The following LNPEP variants were observed in gnomAD, a reference collection of about 807,000 sequenced individuals.
The protein encoded by LNPEP is leucyl-cystinyl aminopeptidase.
LNPEP carries 64 observed loss-of-function variants against 120.6 expected under a neutral mutation model. The ratio of observed to expected loss-of-function variants is 0.53; its 90% CI spans 0.43 to 0.65. The LOEUF is 0.65. Ranked by LOEUF, LNPEP falls within the 30% of genes least tolerant of loss-of-function variation. The pLI is 0.00. For missense variants in LNPEP, 1,057 were observed against 1,200.0 expected, an observed-to-expected ratio of 0.88 and a Z score of 1.76; for synonymous variants, 435 against 425.4, an observed-to-expected ratio of 1.02 and a Z score of -0.28.
chr5:96,946,221 AC>A (rs1464894924), intron 1 of LNPEP, among the ~76,000 whole-genome samples: 1 of 152,224 alleles, frequency 6.6e-6, no homozygotes, highest in Non-Finnish European at 1.5e-5. Flanking sequence ...CTCAAACTGA[AC>A]AATAGAGTAT....
At chr5:97,016,309 T>A (rs1791069046) in intron 13 of LNPEP, among the ~76,000 whole-genome samples, 1 of 152,014 alleles carries the variant, frequency 6.6e-6, no homozygotes, top group African/African-American at 2.4e-5. Flanking sequence ...AAACGTTGAG[T>A]GAATAAATGA....
At position 96,970,312 on chromosome 5, in the gene LNPEP, A is replaced by T. The variant is rs184520721; in HGVS notation, c.20-8826A>T. On this transcript the variant is annotated intron_variant, in intron 1 of 17. Coordinates refer to ENST00000231368, the MANE Select transcript of LNPEP (RefSeq NM_005575.3). ...TTGTTTGTTCTATTCTTCATAAAAA[A>T]CTTCTTTTTGAAACACTGTTATTAG... 3.5e-3 allele frequency among the ~76,000 whole-genome samples: 535 copies of T among 152,094 alleles called. 4 individuals carry two copies. Among genetic ancestry groups the T allele is most frequent in the Middle Eastern group, 3.4e-3 (1 of 294 alleles).
chr5:96,938,987 A>C (rs935832364), intron 1 of LNPEP, among the ~76,000 whole-genome samples: 5 of 127,814 alleles, frequency 3.9e-5, no homozygotes, highest in African/African-American at 1.6e-4. Flanking sequence ...TATATTACAA[A>C]AAAAAAAAAA....
At chr5:97,026,553 T>G in intron 15 of LNPEP, 64 bp from the exon 16 acceptor site, 1 of 1,320,046 alleles carries the variant, frequency 7.6e-7, no homozygotes, top group Non-Finnish European at 1.1e-6. Context: ...AATTTTAATT[T>G]AAGTTCAGTC....
intron 9 of LNPEP, among the ~76,000 whole-genome samples, chr5:97,005,338 C>T (rs954587584): frequency 3.9e-5 from 6 of 152,006 alleles, no homozygotes; most frequent in African/African-American, 1.2e-4. Context: ...GACTGTTGTT[C>T]AAAAATTGCT....
At chr5:96,966,993 G>T (rs1039865755) in intron 1 of LNPEP, among the ~76,000 whole-genome samples, 5 of 151,976 alleles carry the variant, frequency 3.3e-5, no homozygotes, top group Non-Finnish European at 5.9e-5. Flanking sequence ...AATCACTTAC[G>T]TAAGCAACAA....
chr5:96,999,377 T>A (rs1790591965), intron 8 of LNPEP, among the ~76,000 whole-genome samples: 1 of 152,080 alleles, frequency 6.6e-6, no homozygotes, highest in Admixed American at 6.6e-5. Flanking sequence ...AGTGACAGGG[T>A]AAGGCCAGTA....
At chr5:96,975,274 C>T (rs1382581937) in intron 1 of LNPEP, among the ~76,000 whole-genome samples, 1 of 152,096 alleles carries the variant, frequency 6.6e-6, no homozygotes, top group Non-Finnish European at 1.5e-5. Context: ...TAATCCTGTT[C>T]TCCTTCCTTG....
intron 1 of LNPEP, among the ~76,000 whole-genome samples, chr5:96,953,117 G>C (rs1003553237): frequency 6.6e-6 from 1 of 151,832 alleles, no homozygotes; most frequent in African/African-American, 2.4e-5. Flanking sequence ...GGACCAGCCC[G>C]TGGGGTTTGA....
In LNPEP at chr5:97,028,788, T is replaced by G. The variant is rs1459391127; in HGVS notation, c.*255T>G. On this transcript the variant is annotated 3_prime_UTR_variant, in exon 18 of 18. Coordinates refer to ENST00000231368, the MANE Select transcript of LNPEP (RefSeq NM_005575.3). ...ATCTACAAAAACAATGAGTAATTTT[T>G]CTACTTTGAAGATACACAGATGGGG... 1 of 327,456 alleles carries G rather than the reference T, an allele frequency of 3.1e-6. No individual in the cohort carries two copies. The highest frequency in any genetic ancestry group is 5.7e-6 in the Non-Finnish European group (1 of 175,752). 20.3% of individuals were successfully genotyped at this position (327,456 alleles called of 1,614,324 possible). A position where few individuals can be genotyped will look rare whatever the true frequency, so the allele number is the denominator to read the frequency against.
At chr5:96,955,705 G>A (rs1789453172) in intron 1 of LNPEP, among the ~76,000 whole-genome samples, 2 of 152,154 alleles carry the variant, frequency 1.3e-5, no homozygotes, top group Admixed American at 1.3e-4. Context: ...CCAATTGATG[G>A]ACATTTGTTT....
chr5:96,985,684 T>G (rs1209258342), intron 3 of LNPEP, among the ~76,000 whole-genome samples: 2 of 151,974 alleles, frequency 1.3e-5, no homozygotes, highest in Non-Finnish European at 2.9e-5. Context: ...TAGCTCTGTG[T>G]GGGATGCAGT....
At chr5:96,998,757 A>G (rs1304734482) in intron 8 of LNPEP, among the ~76,000 whole-genome samples, 5 of 152,192 alleles carry the variant, frequency 3.3e-5, no homozygotes, top group South Asian at 2.1e-4. Flanking sequence ...GATACAGTCT[A>G]TGTCATCAAG....
intron 1 of LNPEP, chr5:96,937,743 A>G (rs1415358638): frequency 1.4e-5 from 2 of 145,934 alleles, no homozygotes; most frequent in East Asian, 1.9e-4. Context: ...TTGCCTACAG[A>G]ATTAAAGTAC....
In LNPEP at chr5:96,936,446, T is replaced by A. The variant is rs1581966129; in HGVS notation, c.19+272T>A. On this transcript the variant is annotated intron_variant, in intron 1 of 17. Coordinates refer to ENST00000231368, the MANE Select transcript of LNPEP (RefSeq NM_005575.3). ...GGTGGGCAAACAGCAAAGTTTGGGC[T>A]GCTGTGCGCAGAGGAGTGGGCAGTG... 5 of 372,010 alleles carry A rather than the reference T, an allele frequency of 1.3e-5. No individual in the cohort carries two copies. In the East Asian group the frequency reaches 2.1e-4, roughly 15 times the overall value. The allele number at this position is 372,010 out of a possible 1,614,324, so 23.0% of individuals were successfully genotyped here.
chr5:97,027,237 C>T (rs1397015679), intron 16 of LNPEP, among the ~76,000 whole-genome samples: 1 of 151,894 alleles, frequency 6.6e-6, no homozygotes, highest in African/African-American at 2.4e-5. Context: ...CCTGTAGTCC[C>T]AGCTACTTGG....
chr5:96,981,887 C>A (rs992467667), intron 2 of LNPEP, among the ~76,000 whole-genome samples: 1 of 152,080 alleles, frequency 6.6e-6, no homozygotes, highest in Non-Finnish European at 1.5e-5. Context: ...AGCAGTTCCT[C>A]GTTTCTAACA....
At chr5:96,991,566 T>C (rs1250318415) in intron 4 of LNPEP, among the ~76,000 whole-genome samples, 1 of 152,208 alleles carries the variant, frequency 6.6e-6, no homozygotes, top group Non-Finnish European at 1.5e-5. Flanking sequence ...ATTAGTGATG[T>C]TGAGCATTTT....
intron 4 of LNPEP, among the ~76,000 whole-genome samples, chr5:96,989,334 A>T (rs1790325194): frequency 4.4e-5 from 1 of 22,526 alleles, no homozygotes; most frequent in African/African-American, 1.7e-4. Context: ...ATATAATTAT[A>T]TATAATATAT....
Sources: gnomAD v4.1 joint callset for allele counts (sites outside exome capture counted in the v4.1 genomes callset) on GRCh38, gnomAD v4.1.1 for gene constraint, MANE v1.5 for transcripts, NCBI Gene and HGNC (gene_info 2026-07-23, HGNC 2026-07-21) for gene names.